CCSER1: variants seen among roughly 807,000 people sequenced by gnomAD.
The protein encoded by CCSER1 is serine-rich coiled-coil domain-containing protein 1.
CCSER1 carries 41 observed loss-of-function variants against 82.0 expected under a neutral mutation model. That is an observed-to-expected ratio of 0.50 (90% confidence interval 0.39 to 0.65). The LOEUF (loss-of-function observed/expected upper bound fraction) is 0.65. Among genes scored for constraint, CCSER1 ranks in the 30% least tolerant of loss-of-function variants. The pLI is 0.00. For missense variants in CCSER1, 1,119 were observed against 1,064.2 expected (o/e 1.05, Z -0.72); for synonymous variants, 414 against 383.9 (o/e 1.08, Z -0.92).
chr4:91,245,926 C>A (rs958606016), intron 10 of CCSER1, among the ~76,000 whole-genome samples: 4 of 152,166 alleles, frequency 2.6e-5, no homozygotes, highest in Admixed American at 2.6e-4. Flanking sequence ...GAACTCCCAA[C>A]CTCAGGTGAT....
intron 9 of CCSER1, among the ~76,000 whole-genome samples, chr4:90,968,769 CA>C (rs1581228526): frequency 1.3e-5 from 2 of 151,880 alleles, no homozygotes; most frequent in East Asian, 3.9e-4. Context: ...GCATTGAACA[CA>C]AAAACTCAAG....
chr4:91,525,800 G>A (rs796093998), intron 10 of CCSER1, among the ~76,000 whole-genome samples: 11 of 152,088 alleles, frequency 7.2e-5, no homozygotes, highest in African/African-American at 1.4e-4. Flanking sequence ...CTTTGATACT[G>A]TAAACCAACA....
chr4:91,123,129 G>A (rs948280809), intron 10 of CCSER1, among the ~76,000 whole-genome samples: 3 of 151,576 alleles, frequency 2.0e-5, no homozygotes, highest in African/African-American at 7.3e-5. Context: ...TTTCATCTCA[G>A]CTATTTTATT....
intron 6 of CCSER1, among the ~76,000 whole-genome samples, chr4:90,668,632 A>G (rs1732235813): frequency 6.6e-6 from 1 of 152,156 alleles, no homozygotes; most frequent in South Asian, 2.1e-4. Context: ...ATGAGGTTAA[A>G]TGTATTTTCA....
intron 1 of CCSER1, among the ~76,000 whole-genome samples, chr4:90,230,796 A>C (rs1425164347): frequency 6.6e-6 from 1 of 152,162 alleles, no homozygotes; most frequent in African/African-American, 2.4e-5. Flanking sequence ...GGATATCACC[A>C]CCAATCCCAC....
intron 5 of CCSER1, among the ~76,000 whole-genome samples, chr4:90,576,002 A>G (rs1039829844): frequency 3.3e-5 from 5 of 151,996 alleles, no homozygotes; most frequent in Admixed American, 6.5e-5. Context: ...TGCAGTTTTC[A>G]TATCTCCGAA....
At chr4:90,683,710 A>G (rs1734294304) in intron 6 of CCSER1, among the ~76,000 whole-genome samples, 1 of 152,118 alleles carries the variant, frequency 6.6e-6, no homozygotes, top group Non-Finnish European at 1.5e-5. Flanking sequence ...TTAAACTGAC[A>G]AAAAGAAAAT....
chr4:90,972,371 A>T (rs895118436), intron 9 of CCSER1, among the ~76,000 whole-genome samples: 3 of 151,838 alleles, frequency 2.0e-5, no homozygotes, highest in Admixed American at 2.0e-4. Context: ...TACAATTTTT[A>T]TACATTAACA....
chr4:90,547,679 C>T (rs566304550), intron 5 of CCSER1, among the ~76,000 whole-genome samples: 6 of 152,194 alleles, frequency 3.9e-5, no homozygotes, highest in African/African-American at 1.4e-4. Context: ...TATCCTAGTT[C>T]TTTCTCTAAA....
intron 5 of CCSER1, among the ~76,000 whole-genome samples, chr4:90,620,867 G>T (rs1363949410): frequency 6.6e-6 from 1 of 152,092 alleles, no homozygotes; most frequent in Non-Finnish European, 1.5e-5. Flanking sequence ...AGGCTGGAGT[G>T]CAGTGGCGCG....
intron 1 of CCSER1, among the ~76,000 whole-genome samples, chr4:90,254,150 C>T (rs1345326813): frequency 6.6e-6 from 1 of 152,154 alleles, no homozygotes; most frequent in Non-Finnish European, 1.5e-5. Context: ...TTCTCACCAT[C>T]AAAATCTTTG....
At chr4:90,532,568 A>G (rs2153630990) in intron 5 of CCSER1, among the ~76,000 whole-genome samples, 1 of 152,276 alleles carries the variant, frequency 6.6e-6, no homozygotes, top group East Asian at 1.9e-4. Context: ...CAGGCTTTGC[A>G]TAACATATGG....
chr4:90,204,545 G>C (rs887880932), intron 1 of CCSER1, among the ~76,000 whole-genome samples: 1 of 152,070 alleles, frequency 6.6e-6, no homozygotes, highest in Non-Finnish European at 1.5e-5. Flanking sequence ...GTGTTCCATT[G>C]GTCTATATAT....
intron 3 of CCSER1, among the ~76,000 whole-genome samples, chr4:90,367,608 G>A (rs945933846): frequency 1.8e-4 from 27 of 151,788 alleles, no homozygotes; most frequent in African/African-American, 6.3e-4. Flanking sequence ...ACAAAAGAAA[G>A]CAGAATTTGT....
chr4:91,379,935 T>C (rs1750742065), intron 10 of CCSER1, among the ~76,000 whole-genome samples: 1 of 152,202 alleles, frequency 6.6e-6, no homozygotes, highest in African/African-American at 2.4e-5. Flanking sequence ...CCAGAGATTC[T>C]GGTATGTTGT....
intron 1 of CCSER1, among the ~76,000 whole-genome samples, chr4:90,158,782 C>A (rs1288403210): frequency 1.3e-5 from 2 of 152,178 alleles, no homozygotes; most frequent in Non-Finnish European, 2.9e-5. Flanking sequence ...CTGTCTGTCA[C>A]CCCTTTCTTT....
chr4:90,889,481 C>G (rs554294258), intron 8 of CCSER1, among the ~76,000 whole-genome samples: 2 of 152,076 alleles, frequency 1.3e-5, no homozygotes, highest in Admixed American at 1.3e-4. Context: ...GAATCTAGAA[C>G]TGTTTTCAAT....
At chr4:91,151,508 T>C (rs959952693) in intron 10 of CCSER1, among the ~76,000 whole-genome samples, 2 of 152,130 alleles carry the variant, frequency 1.3e-5, no homozygotes, top group African/African-American at 4.8e-5. Context: ...TTTCTTACCT[T>C]CTGCTCGCTT....
intron 10 of CCSER1, among the ~76,000 whole-genome samples, chr4:91,104,642 C>A (rs959020853): frequency 2.6e-5 from 4 of 152,178 alleles, no homozygotes; most frequent in Non-Finnish European, 4.4e-5. Flanking sequence ...TAACAAATTA[C>A]CACCAAGTAG....
Sources: allele counts gnomAD v4.1 joint callset (sites outside exome capture counted in the v4.1 genomes callset), GRCh38; gene constraint gnomAD v4.1.1; transcripts MANE v1.5; gene names NCBI Gene and HGNC (gene_info 2026-07-23, HGNC 2026-07-21).